WNT4: variants seen among roughly 807,000 people sequenced by gnomAD.
WNT4 encodes the protein protein Wnt-4.
WNT4 carries 16 observed loss-of-function variants against 34.5 expected under a neutral mutation model. The ratio of observed to expected loss-of-function variants is 0.46; its 90% CI spans 0.31 to 0.70. WNT4 has a LOEUF of 0.70. Ranked by LOEUF, WNT4 falls within the 30% of genes least tolerant of loss-of-function variation. The pLI, the probability that WNT4 is intolerant of heterozygous loss-of-function variation, is 0.04. For synonymous variants in WNT4, 200 were observed against 211.9 expected (o/e 0.94, Z 0.49); for missense variants, 379 against 495.9 (o/e 0.76, Z 2.24).
chr1:22,122,324 G>C (rs997541762), intron 2 of WNT4, among the ~76,000 whole-genome samples: 1 of 152,116 alleles, frequency 6.6e-6, no homozygotes, highest in Non-Finnish European at 1.5e-5. Context: ...GATCAGCCGG[G>C]GAAGGGATTT....
rs188148509 is a variant in WNT4 at position 22,135,084 on chromosome 1, T to A, written c.78-5233A>T. On this transcript the variant is annotated intron_variant, in intron 1 of 4. Transcript: ENST00000290167. ...GAGGCTGGGGAGTGTGAGAGATGGG[T>A]GGAGGGGATGGTGCTGCTAGGACAT... 9.4e-4 allele frequency among the ~76,000 whole-genome samples: 143 copies of A among 151,908 alleles called. 8 individuals carry two copies. The East Asian group carries it at 0.023, about 25-fold the overall frequency.
chr1:22,120,710 G>C (rs550606835), intron 4 of WNT4, among the ~76,000 whole-genome samples, 193 bp from the exon 5 acceptor site: 2 of 152,248 alleles, frequency 1.3e-5, no homozygotes, highest in Non-Finnish European at 2.9e-5. Context: ...ACGAGGTACT[G>C]TCCCTGCACT....
At chr1:22,138,497 A>G (rs557024894) in intron 1 of WNT4, among the ~76,000 whole-genome samples, 2 of 152,108 alleles carry the variant, frequency 1.3e-5, no homozygotes, top group Non-Finnish European at 2.9e-5. Context: ...AAGGTCAGGT[A>G]TGCTGCTAAG....
rs766407705 is a variant in WNT4 at position 22,129,742 on chromosome 1, C to T, written c.187G>A (p.Val63Ile). 2.5e-6 allele frequency: 4 copies of T among 1,613,982 alleles called. No individual in the cohort carries two copies. In the East Asian group the frequency reaches 8.9e-5, roughly 36 times the overall value. Residue 63 changes from valine to isoleucine, a missense_variant, in exon 2 of 5, where the codon GTC becomes ATC. Val to Ile is a conservative substitution (Grantham distance 29, BLOSUM62 3). This residue lies in a region of WNT4 where 313 missense variants were observed against 445.8 expected (regional missense o/e 0.70). Coordinates refer to ENST00000290167, the MANE Select transcript of WNT4 (RefSeq NM_030761.5). Reference protein sequence around the residue: ...QVQMCKRNLEVMDSVRRGAQL... With the variant: ...QVQMCKRNLEIMDSVRRGAQL... The stretch of plus-strand genomic sequence containing the variant: ...GCACCGCGGCGCACCGAGTCCATGA[C>T]TTCCAGGTTCCGCTTGCACATCTGC...
chr1:22,127,600 GCAGTGTGAACA>G, intron 2 of WNT4: 1 of 401,440 alleles, frequency 2.5e-6, no homozygotes, highest in Non-Finnish European at 5.2e-6. Context: ...TGTGCTAGAA[GCAGTGTGAACA>G]CAAATGGCTT....
chr1:22,119,800 G>A lies in WNT4; in HGVS notation c.*250C>T. ...GAGTGGTCAGTGGCAGCCACATGCG[G>A]GCAGCCAGCGGCACGAGCAAGGTCC... On this transcript the variant is annotated 3_prime_UTR_variant, in exon 5 of 5. Transcript: ENST00000290167. 6.9e-6 allele frequency: 4 copies of A among 580,492 alleles called. No individual in the cohort carries two copies. Among genetic ancestry groups the A allele is most frequent in the Non-Finnish European group, 1.2e-5 (4 of 324,738 alleles). The allele number at this position is 580,492 out of a possible 1,614,324, so 36.0% of individuals were successfully genotyped here.
At chr1:22,120,590 A>G in intron 4 of WNT4, 73 bp from the exon 5 acceptor site, 1 of 1,476,846 alleles carries the variant, frequency 6.8e-7, no homozygotes, top group Non-Finnish European at 9.2e-7. Context: ...GCGGAGGCTG[A>G]CAGCCGAGCA....
Position 22,134,841 on chromosome 1 carries a change from TTG to T in WNT4, c.78-4992_78-4991del, listed in dbSNP as rs1348252537. Among the ~76,000 whole-genome samples the T allele has an allele frequency of 2.6e-5, 4 of 152,048 alleles. No homozygotes were observed. Among genetic ancestry groups the T allele is most frequent in the Non-Finnish European group, 5.9e-5 (4 of 67,978 alleles). On this transcript the variant is annotated intron_variant, in intron 1 of 4. Coordinates refer to ENST00000290167, the MANE Select transcript of WNT4 (RefSeq NM_030761.5). This position sits in a 1 kb window ranked among gnomAD's most constrained non-coding sequence, Gnocchi z 4.1. ...CAGACCCATGCTGACTTCTGCTCAT[TTG>T]TGTGTGTGTTTTTTTGCTTGGGTCT...
At chr1:22,138,025 C>G (rs567066975) in intron 1 of WNT4, among the ~76,000 whole-genome samples, 1 of 152,226 alleles carries the variant, frequency 6.6e-6, no homozygotes, top group Admixed American at 6.5e-5. Flanking sequence ...CTGACAGGCA[C>G]GTGCCAGGCA....
At chr1:22,135,284 A>T (rs886628046) in intron 1 of WNT4, among the ~76,000 whole-genome samples, 1 of 152,250 alleles carries the variant, frequency 6.6e-6, no homozygotes, top group Non-Finnish European at 1.5e-5. Context: ...GCAACAGCAC[A>T]GGGCTGGCTA....
rs1553200985 is a variant in WNT4, at chr1:22,142,385, G to GCGGCGCAGCGCGGCGCAGCT, written c.77+460_77+461insAGCTGCGCCGCGCTGCGCCG. Among the ~76,000 whole-genome samples the GCGGCGCAGCGCGGCGCAGCT allele has an allele frequency of 6.6e-6, 1 of 151,964 alleles. No individual in the cohort carries two copies. Among genetic ancestry groups the GCGGCGCAGCGCGGCGCAGCT allele is most frequent in the Non-Finnish European group, 1.5e-5 (1 of 67,944 alleles). On this transcript the variant is annotated intron_variant, in intron 1 of 4. Transcript: ENST00000290167. This position sits in a 1 kb window ranked among gnomAD's most constrained non-coding sequence, Gnocchi z 6.0. Reference sequence around the variant, plus strand: ...GCACGCCTCCAGCCCAGCCCGCAGCGCGGCGCAGCTCGGCGCAGCTCGGCG... The same window carrying GCGGCGCAGCGCGGCGCAGCT: ...GCACGCCTCCAGCCCAGCCCGCAGCGCGGCGCAGCGCGGCGCAGCTCGGCGCAGCTCGGCGCAGCTCGGCG...
At chr1:22,122,654 GTGTC>G (rs762067803) in intron 2 of WNT4, among the ~76,000 whole-genome samples, 4 of 151,664 alleles carry the variant, frequency 2.6e-5, no homozygotes, top group Non-Finnish European at 4.4e-5. Flanking sequence ...TCTTGCCTGA[GTGTC>G]TGTGTCCGCA....
Position 22,123,535 on chromosome 1 carries a change from G to A in WNT4, c.314-1959C>T, listed in dbSNP as rs185410470. Among the ~76,000 whole-genome samples, 34 of 152,338 alleles carry A rather than the reference G, an allele frequency of 2.2e-4. No individual in the cohort carries two copies. In the East Asian group the frequency reaches 6.4e-3, roughly 29 times the overall value. On this transcript the variant is annotated intron_variant, in intron 2 of 4. Coordinates refer to ENST00000290167, the MANE Select transcript of WNT4 (RefSeq NM_030761.5). The stretch of plus-strand genomic sequence containing the variant: ...CTTACAGACAGCTTACCATGTGCTG[G>A]GCTCTGTCTAAGGACTTCACATGTG...
chr1:22,134,108 G>C lies in WNT4; in HGVS notation c.78-4257C>G, dbSNP rs539048566. On this transcript the variant is annotated intron_variant, in intron 1 of 4. Coordinates refer to ENST00000290167, the MANE Select transcript of WNT4 (RefSeq NM_030761.5). This position sits in a 1 kb window ranked among gnomAD's most constrained non-coding sequence, Gnocchi z 4.1. The stretch of plus-strand genomic sequence containing the variant: ...CAAGCAGATCAGTGTCGTGGGTCCC[G>C]GCCCTGCGGGTGTCCAGGTGGGGGC... Among the ~76,000 whole-genome samples, 49 of 152,218 alleles carry C rather than the reference G, an allele frequency of 3.2e-4. No homozygotes were observed. Among genetic ancestry groups the C allele is most frequent in the Non-Finnish European group, 5.9e-4 (40 of 68,036 alleles).
At chr1:22,130,480 T>C (rs1014751536) in intron 1 of WNT4, among the ~76,000 whole-genome samples, 6 of 152,210 alleles carry the variant, frequency 3.9e-5, no homozygotes, top group Non-Finnish European at 8.8e-5. Context: ...GTGTGGACGC[T>C]TCAAAAGCCA....
chr1:22,136,613 G>A (rs1014760663), intron 1 of WNT4, among the ~76,000 whole-genome samples: 1 of 152,190 alleles, frequency 6.6e-6, no homozygotes. Context: ...TAACTGGCTG[G>A]GGGTACAGGG....
rs1362086324 is a variant in WNT4 at position 22,142,653 on chromosome 1, G to A, written c.77+193C>T. On this transcript the variant is annotated intron_variant, in intron 1 of 4. Coordinates refer to ENST00000290167, the MANE Select transcript of WNT4 (RefSeq NM_030761.5). This position sits in a 1 kb window ranked among gnomAD's most constrained non-coding sequence, Gnocchi z 6.0. ...CTGGGCAGGGAGCCGGACCCGGGCA[G>A]GAGGGGACCCCGGGTGTGCAGAGGG... Among the ~76,000 whole-genome samples the A allele has an allele frequency of 6.6e-6, 1 of 151,894 alleles. No individual in the cohort carries two copies. Among genetic ancestry groups the A allele is most frequent in the Non-Finnish European group, 1.5e-5 (1 of 67,946 alleles).
At position 22,142,661 on chromosome 1, in the gene WNT4, C is replaced by A. The variant is rs1303295374; in HGVS notation, c.77+185G>T. Reference sequence around the variant, plus strand: ...GGAGCCGGACCCGGGCAGGAGGGGACCCCGGGTGTGCAGAGGGACGTTCGG... The same window carrying A: ...GGAGCCGGACCCGGGCAGGAGGGGAACCCGGGTGTGCAGAGGGACGTTCGG... On this transcript the variant is annotated intron_variant, in intron 1 of 4. Coordinates refer to ENST00000290167, the MANE Select transcript of WNT4 (RefSeq NM_030761.5). This position sits in a 1 kb window ranked among gnomAD's most constrained non-coding sequence, Gnocchi z 6.0. 6.6e-6 allele frequency among the ~76,000 whole-genome samples: 1 copy of A among 151,836 alleles called. No individual in the cohort carries two copies. Among genetic ancestry groups the A allele is most frequent in the African/African-American group, 2.4e-5 (1 of 41,394 alleles).
intron 1 of WNT4, among the ~76,000 whole-genome samples, chr1:22,131,392 C>G (rs1478590576): frequency 6.6e-6 from 1 of 152,168 alleles, no homozygotes; most frequent in Non-Finnish European, 1.5e-5. Flanking sequence ...TGGTGGGCCT[C>G]TGAGGTTAAT....
Sources: allele counts gnomAD v4.1 joint callset (sites outside exome capture counted in the v4.1 genomes callset), GRCh38; gene constraint gnomAD v4.1.1; regional missense constraint gnomAD v4.1.1; non-coding constraint Gnocchi (gnomAD v3.1); transcripts MANE v1.5; gene names NCBI Gene and HGNC (gene_info 2026-07-23, HGNC 2026-07-21).